SCMH1: variants seen among roughly 807,000 people sequenced by gnomAD.
SCMH1 encodes Scm polycomb group protein homolog 1.
In SCMH1, 37 loss-of-function variants were observed where a neutral mutation model predicts 70.8. The observed-to-expected ratio is 0.52, with a 90% CI of 0.40 to 0.69. The LOEUF is 0.69. Ranked by LOEUF, SCMH1 falls within the 30% of genes least tolerant of loss-of-function variation. SCMH1 has a pLI of 0.00. For synonymous variants in SCMH1, 292 were observed against 307.4 expected (o/e 0.95, Z 0.52); for missense variants, 607 against 827.3 (o/e 0.73, Z 3.27).
intron 12 of SCMH1, among the ~76,000 whole-genome samples, chr1:41,040,701 C>T (rs1646020414): frequency 6.6e-6 from 1 of 151,894 alleles, no homozygotes; most frequent in African/African-American, 2.4e-5. Flanking sequence ...CCCGTCTCTA[C>T]TAAAAATACA....
chr1:41,153,514 T>G (rs1645251898), intron 4 of SCMH1, among the ~76,000 whole-genome samples: 1 of 152,158 alleles, frequency 6.6e-6, no homozygotes, highest in Non-Finnish European at 1.5e-5. Context: ...CCACAACAAT[T>G]AGGGTATTAA....
At chr1:41,048,856 G>A (rs773073621) in exon 11 of SCMH1, 1 of 1,614,070 alleles carries the variant, frequency 6.2e-7, no homozygotes, top group South Asian at 1.1e-5. Context: ...CTAAGTGGGG[G>A]CCTGTGCTGC....
At chr1:41,167,813 G>A (rs1043395826) in intron 2 of SCMH1, among the ~76,000 whole-genome samples, 1 of 151,604 alleles carries the variant, frequency 6.6e-6, no homozygotes, top group Non-Finnish European at 1.5e-5. Context: ...CTGGTCTAGT[G>A]GGGATAAATT....
In SCMH1 at chr1:41,143,363, T is replaced by G. The variant is rs917559228; in HGVS notation, c.178-251A>C. Among the ~76,000 whole-genome samples, 5 of 152,190 alleles carry G rather than the reference T, an allele frequency of 3.3e-5. No homozygotes were observed. In the South Asian group the frequency reaches 6.2e-4, roughly 19 times the overall value. On this transcript the variant is annotated intron_variant, in intron 5 of 14. Coordinates refer to ENST00000337495, the Ensembl canonical transcript of SCMH1. ...AGAATGTCTTATATAGGCCAGTTAATTAAATGTTTTCTCATTCTATAATTC... is the reference window on the plus strand; with the variant it reads ...AGAATGTCTTATATAGGCCAGTTAAGTAAATGTTTTCTCATTCTATAATTC...
intron 10 of SCMH1, among the ~76,000 whole-genome samples, 199 bp from the exon 11 acceptor site, chr1:41,049,089 G>C (rs1647173376): frequency 6.6e-6 from 1 of 152,194 alleles, no homozygotes; most frequent in Non-Finnish European, 1.5e-5. Flanking sequence ...AACCCAAACT[G>C]CATGATCAAA....
At chr1:41,067,458 CAAAAAAAAAAAA>C (rs60607308) in intron 10 of SCMH1, among the ~76,000 whole-genome samples, 1 of 60,302 alleles carries the variant, frequency 1.7e-5, no homozygotes, top group Non-Finnish European at 3.0e-5. Flanking sequence ...ACAACAACAA[CAAAAAAAAAAAA>C]AAAAAAAAAA....
intron 6 of SCMH1, among the ~76,000 whole-genome samples, chr1:41,125,971 C>T (rs923842804): frequency 6.6e-6 from 1 of 152,148 alleles, no homozygotes; most frequent in African/African-American, 2.4e-5. Flanking sequence ...TATATACACA[C>T]ACACATACAA....
At chr1:41,216,984 G>A (rs1658220196) in intron 1 of SCMH1, among the ~76,000 whole-genome samples, 1 of 152,136 alleles carries the variant, frequency 6.6e-6, no homozygotes. Context: ...AACTAATACA[G>A]ATTTTGGTAC....
At chr1:41,163,090 G>C (rs1646170708) in intron 2 of SCMH1, 2 of 152,266 alleles carry the variant, frequency 1.3e-5, no homozygotes. Flanking sequence ...AGCTTCCGGA[G>C]TCAGGGCTGT....
At chr1:41,042,886 A>C (rs1330578305) in intron 12 of SCMH1, among the ~76,000 whole-genome samples, 2 of 152,170 alleles carry the variant, frequency 1.3e-5, no homozygotes, top group East Asian at 3.9e-4. Context: ...GATTATTCAA[A>C]ATGCCAATGT....
chr1:41,226,044 T>C (rs933629989), intron 1 of SCMH1, among the ~76,000 whole-genome samples: 3 of 152,196 alleles, frequency 2.0e-5, no homozygotes, highest in Admixed American at 2.0e-4. Context: ...CTATTCAATG[T>C]GTGGTCTTCA....
chr1:41,070,562 T>C (rs781448187), intron 10 of SCMH1, 33 bp downstream of exon 10: 5 of 1,613,588 alleles, frequency 3.1e-6, no homozygotes, highest in Admixed American at 3.3e-5. Flanking sequence ...GGTCTGGGGC[T>C]TGTGCGCAGG....
chr1:41,093,603 T>C (rs1198710268), intron 8 of SCMH1, among the ~76,000 whole-genome samples: 1 of 152,234 alleles, frequency 6.6e-6, no homozygotes, highest in African/African-American at 2.4e-5. Flanking sequence ...TAAAATCTTT[T>C]AGTCTATCTT....
At chr1:41,030,574 A>G (rs1412691818) in intron 13 of SCMH1, among the ~76,000 whole-genome samples, 1 of 152,152 alleles carries the variant, frequency 6.6e-6, no homozygotes, top group Non-Finnish European at 1.5e-5. Context: ...TACCTCAAAT[A>G]TTGATTCCAC....
chr1:41,201,090 G>T (rs1042699800), intron 1 of SCMH1, among the ~76,000 whole-genome samples: 3 of 152,162 alleles, frequency 2.0e-5, no homozygotes, highest in Non-Finnish European at 2.9e-5. Context: ...CCTGACAATA[G>T]ATTAGATCCT....
chr1:41,156,997 C>A (rs1309704965), intron 4 of SCMH1, among the ~76,000 whole-genome samples: 2 of 147,154 alleles, frequency 1.4e-5, no homozygotes, highest in African/African-American at 2.5e-5. Context: ...CACTCAGATA[C>A]CCAGGATGGA....
At chr1:41,240,851 AACTT>A (rs1272463117) in intron 1 of SCMH1, among the ~76,000 whole-genome samples, 1 of 152,044 alleles carries the variant, frequency 6.6e-6, no homozygotes, top group Non-Finnish European at 1.5e-5. Context: ...TTCTTAGAGA[AACTT>A]ACTACGTTTT....
intron 6 of SCMH1, among the ~76,000 whole-genome samples, chr1:41,129,563 T>C (rs1370481475): frequency 3.3e-5 from 5 of 152,166 alleles, no homozygotes; most frequent in Non-Finnish European, 7.3e-5. Flanking sequence ...ATATTCCCAT[T>C]GCATCTCTCT....
intron 6 of SCMH1, among the ~76,000 whole-genome samples, chr1:41,118,748 G>A (rs1671167377): frequency 1.3e-5 from 2 of 152,184 alleles, no homozygotes; most frequent in South Asian, 4.1e-4. Flanking sequence ...TCCAATTAGA[G>A]CCCCAAGTGC....
Sources: allele counts gnomAD v4.1 joint callset (sites outside exome capture counted in the v4.1 genomes callset), GRCh38; gene constraint gnomAD v4.1.1; transcripts MANE v1.5; gene names NCBI Gene and HGNC (gene_info 2026-07-23, HGNC 2026-07-21).